The following NRG3 variants were observed in gnomAD, a reference collection of about 807,000 sequenced individuals.
NRG3 encodes the protein neuregulin 3.
Under a neutral mutation model 66.9 loss-of-function variants are expected in NRG3, and 31 were observed. The observed-to-expected ratio is 0.46, with a 90% CI of 0.35 to 0.63. The LOEUF (loss-of-function observed/expected upper bound fraction) is 0.63, where lower values mean the gene tolerates loss of function less well. Ranked by LOEUF, NRG3 falls within the 20% of genes least tolerant of loss-of-function variation. The probability of loss-of-function intolerance (pLI) is 0.00; values close to 1 mark genes in which losing one functional copy is unlikely to be tolerated. For synonymous variants in NRG3, 393 were observed against 359.4 expected (o/e 1.09, Z -1.06); for missense variants, 910 against 878.9 (o/e 1.04, Z -0.45).
At chr10:81,876,930 G>GT (rs1274920881) in intron 1 of NRG3, among the ~76,000 whole-genome samples, 1 of 152,022 alleles carries the variant, frequency 6.6e-6, no homozygotes, top group Non-Finnish European at 1.5e-5. Flanking sequence ...CGAAGGAGGA[G>GT]TTTTTTTCAG....
intron 3 of NRG3, among the ~76,000 whole-genome samples, chr10:82,788,720 A>T (rs1365156644): frequency 6.6e-6 from 1 of 152,144 alleles, no homozygotes; most frequent in Non-Finnish European, 1.5e-5. Flanking sequence ...CCCTCACTGG[A>T]AGCATGCATA....
intron 1 of NRG3, chr10:81,889,687 A>C (rs1354860248): frequency 6.6e-6 from 1 of 152,208 alleles, no homozygotes; most frequent in Non-Finnish European, 1.5e-5. Flanking sequence ...TGATGTCAAC[A>C]TTTATAATAC....
At chr10:82,403,803 TC>T (rs1446736610) in intron 2 of NRG3, among the ~76,000 whole-genome samples, 1 of 152,148 alleles carries the variant, frequency 6.6e-6, no homozygotes, top group Non-Finnish European at 1.5e-5. Flanking sequence ...CCTTCTGGGC[TC>T]ATTTCTATAT....
chr10:82,291,921 T>G (rs2079770569), intron 1 of NRG3, among the ~76,000 whole-genome samples: 1 of 152,180 alleles, frequency 6.6e-6, no homozygotes, highest in African/African-American at 2.4e-5. Context: ...TTCAACAAAG[T>G]GTTCTTAAAC....
chr10:82,243,277 T>C (rs2077083844), intron 1 of NRG3, among the ~76,000 whole-genome samples: 1 of 152,178 alleles, frequency 6.6e-6, no homozygotes, highest in Non-Finnish European at 1.5e-5. Context: ...AAAAAATCAG[T>C]CTTCTAGTAA....
chr10:81,940,545 T>TG (rs1245549609), intron 1 of NRG3, among the ~76,000 whole-genome samples: 1 of 151,800 alleles, frequency 6.6e-6, no homozygotes, highest in Admixed American at 6.6e-5. Context: ...TTTGAGGAGA[T>TG]GGGGGTCTCA....
intron 1 of NRG3, among the ~76,000 whole-genome samples, chr10:81,899,556 A>AG (rs1843834955): frequency 1.3e-5 from 2 of 152,196 alleles, no homozygotes; most frequent in Non-Finnish European, 2.9e-5. Flanking sequence ...TGGTGGCAGC[A>AG]GGGAAGGATT....
intron 2 of NRG3, among the ~76,000 whole-genome samples, chr10:82,577,728 T>C (rs1486960883): frequency 1.3e-5 from 2 of 151,768 alleles, no homozygotes; most frequent in African/African-American, 2.4e-5. Flanking sequence ...GGGATGATGC[T>C]GTTCATCTAT....
chr10:82,684,539 A>G (rs35467914), intron 2 of NRG3, among the ~76,000 whole-genome samples: 1 of 152,094 alleles, frequency 6.6e-6, no homozygotes, highest in Non-Finnish European at 1.5e-5. Flanking sequence ...GGAACAAAAA[A>G]AAACAGTACA....
chr10:82,950,901 G>T (rs957663493), intron 4 of NRG3, among the ~76,000 whole-genome samples: 9 of 152,348 alleles, frequency 5.9e-5, no homozygotes, highest in Middle Eastern at 3.4e-3. Context: ...GAGTTCTACT[G>T]TGCCAAATCA....
At chr10:82,825,861 T>C (rs1319377410) in intron 3 of NRG3, among the ~76,000 whole-genome samples, 2 of 152,222 alleles carry the variant, frequency 1.3e-5, no homozygotes, top group Non-Finnish European at 2.9e-5. Flanking sequence ...CTGTTAAAAA[T>C]GCATACTTTC....
chr10:82,395,997 TA>T (rs1392721358), intron 2 of NRG3, among the ~76,000 whole-genome samples: 1 of 152,236 alleles, frequency 6.6e-6, no homozygotes, highest in Non-Finnish European at 1.5e-5. Context: ...TTTATTTCTT[TA>T]TTAAAATCTT....
intron 3 of NRG3, among the ~76,000 whole-genome samples, chr10:82,772,597 T>C (rs2059754496): frequency 6.6e-6 from 1 of 152,066 alleles, no homozygotes; most frequent in Non-Finnish European, 1.5e-5. Flanking sequence ...TGTCTGTGTT[T>C]GGCTTATTTC....
chr10:82,144,514 T>C (rs1026192845), intron 1 of NRG3, among the ~76,000 whole-genome samples: 1 of 152,192 alleles, frequency 6.6e-6, no homozygotes, highest in Non-Finnish European at 1.5e-5. Context: ...AATTAGCAGC[T>C]ATTCTTGGGT....
intron 2 of NRG3, among the ~76,000 whole-genome samples, chr10:82,433,374 C>G (rs1162556708): frequency 1.3e-5 from 2 of 152,020 alleles, no homozygotes; most frequent in Admixed American, 6.6e-5. Flanking sequence ...AGACCTTTCT[C>G]AGATGGGTAG....
At chr10:82,087,971 A>G (rs2065823703) in intron 1 of NRG3, among the ~76,000 whole-genome samples, 1 of 152,102 alleles carries the variant, frequency 6.6e-6, no homozygotes, top group Non-Finnish European at 1.5e-5. Flanking sequence ...TCCCGGCTGG[A>G]TCCGAAACCT....
chr10:82,971,398 A>T (rs1360301250), intron 6 of NRG3, among the ~76,000 whole-genome samples: 2 of 151,438 alleles, frequency 1.3e-5, no homozygotes, highest in East Asian at 3.9e-4. Flanking sequence ...GACAATGTTA[A>T]TGGTTTATAA....
intron 2 of NRG3, among the ~76,000 whole-genome samples, chr10:82,671,368 A>G (rs767309742): frequency 2.6e-5 from 4 of 152,216 alleles, no homozygotes; most frequent in Non-Finnish European, 5.9e-5. Flanking sequence ...GTTTTTAGCT[A>G]AATATGGATT....
At chr10:82,698,433 T>C (rs2055570983) in intron 2 of NRG3, among the ~76,000 whole-genome samples, 1 of 152,178 alleles carries the variant, frequency 6.6e-6, no homozygotes, top group Admixed American at 6.6e-5. Flanking sequence ...ATGCTTTAAA[T>C]AATCCAAAAG....
Sources: gnomAD v4.1 joint callset for allele counts (sites outside exome capture counted in the v4.1 genomes callset) on GRCh38, gnomAD v4.1.1 for gene constraint, MANE v1.5 for transcripts, NCBI Gene and HGNC (gene_info 2026-07-23, HGNC 2026-07-21) for gene names.